Variants in MDGA2 observed in about 807,000 individuals in gnomAD.
MDGA2 encodes the protein MAM domain-containing glycosylphosphatidylinositol anchor protein 2.
MDGA2 carries 40 observed loss-of-function variants against 117.8 expected under a neutral mutation model. The observed-to-expected ratio is 0.34, with a 90% CI of 0.26 to 0.44. The LOEUF is 0.44. MDGA2 is among the 20% of genes least tolerant of loss of function. The pLI is 1.00. For missense variants in MDGA2, 1,123 were observed against 1,250.6 expected, an observed-to-expected ratio of 0.90 and a Z score of 1.54; for synonymous variants, 452 against 439.0, an observed-to-expected ratio of 1.03 and a Z score of -0.37.
chr14:47,217,270 A>G (rs1223016444), intron 3 of MDGA2, among the ~76,000 whole-genome samples: 2 of 152,106 alleles, frequency 1.3e-5, no homozygotes, highest in African/African-American at 4.8e-5. Flanking sequence ...TCAGAGACCT[A>G]AAAATTAAAA....
chr14:47,539,847 T>A (rs1895301496), intron 1 of MDGA2, among the ~76,000 whole-genome samples: 1 of 152,192 alleles, frequency 6.6e-6, no homozygotes, highest in South Asian at 2.1e-4. Flanking sequence ...GCGTTCCAAA[T>A]CTGGACCCTT....
chr14:47,008,698 A>G (rs1887796237), intron 8 of MDGA2, among the ~76,000 whole-genome samples: 1 of 151,966 alleles, frequency 6.6e-6, no homozygotes, highest in Non-Finnish European at 1.5e-5. Context: ...TGTCTATAAA[A>G]TATCTGCCCT....
At chr14:47,395,943 C>T (rs1045553783) in intron 1 of MDGA2, among the ~76,000 whole-genome samples, 13 of 152,048 alleles carry the variant, frequency 8.5e-5, no homozygotes, top group African/African-American at 2.9e-4. Flanking sequence ...TATTTACTTT[C>T]GTGTGTAGCA....
intron 10 of MDGA2, among the ~76,000 whole-genome samples, chr14:46,882,480 T>C (rs1245984273): frequency 6.6e-6 from 1 of 150,996 alleles, no homozygotes; most frequent in East Asian, 1.9e-4. Context: ...GTCAGAAAAT[T>C]CCAAAGTGTC....
intron 1 of MDGA2, among the ~76,000 whole-genome samples, chr14:47,623,184 T>A (rs1897080933): frequency 6.6e-6 from 1 of 152,160 alleles, no homozygotes; most frequent in Non-Finnish European, 1.5e-5. Context: ...CTCTCACACA[T>A]GCTTTTTTGC....
chr14:46,934,801 A>T (rs947814828), intron 9 of MDGA2, among the ~76,000 whole-genome samples: 26 of 152,046 alleles, frequency 1.7e-4, no homozygotes, highest in Non-Finnish European at 3.7e-4. Flanking sequence ...ATTTTATATT[A>T]AAAAAATCAT....
intron 8 of MDGA2, among the ~76,000 whole-genome samples, chr14:46,984,595 T>A (rs1413729734): frequency 6.6e-6 from 1 of 151,964 alleles, no homozygotes; most frequent in Non-Finnish European, 1.5e-5. Context: ...CAAGAATACT[T>A]ACCTTGTCCA....
intron 2 of MDGA2, among the ~76,000 whole-genome samples, chr14:47,290,131 G>T (rs199748884): frequency 6.6e-6 from 1 of 151,948 alleles, no homozygotes; most frequent in Non-Finnish European, 1.5e-5. Context: ...GCCCTATACT[G>T]CTATGCTCTG....
chr14:47,358,824 T>C (rs1891050527), intron 1 of MDGA2, among the ~76,000 whole-genome samples: 2 of 152,158 alleles, frequency 1.3e-5, no homozygotes, highest in Admixed American at 1.3e-4. Flanking sequence ...GACACAAATA[T>C]GTGGGAAGAT....
At chr14:46,888,600 A>T in intron 10 of MDGA2, among the ~76,000 whole-genome samples, 2 of 151,932 alleles carry the variant, frequency 1.3e-5, no homozygotes, top group South Asian at 4.1e-4. Flanking sequence ...GGAGGAAAAA[A>T]CATGTTAATT....
At position 46,987,845 on chromosome 14, in the gene MDGA2, C is replaced by A. The variant is rs371045991; in HGVS notation, c.1820-30202G>T. On this transcript the variant is annotated intron_variant, in intron 8 of 16. Transcript: ENST00000399232. ...TGTTAAGGGCCTCAGAAGGGGACAT[C>A]TTCCTTACTAATAAACTGCTATATT... Among the ~76,000 whole-genome samples the A allele has an allele frequency of 4.7e-5, 7 of 148,124 alleles. No homozygotes were observed. In the East Asian group the frequency reaches 8.0e-4, roughly 17 times the overall value.
intron 3 of MDGA2, among the ~76,000 whole-genome samples, chr14:47,147,192 G>A (rs1402928693): frequency 6.6e-6 from 1 of 150,490 alleles, no homozygotes; most frequent in South Asian, 2.1e-4. Context: ...AATATATAAT[G>A]TAAGTAATTT....
chr14:47,325,205 T>C (rs1890108568), intron 1 of MDGA2, among the ~76,000 whole-genome samples: 1 of 152,156 alleles, frequency 6.6e-6, no homozygotes, highest in African/African-American at 2.4e-5. Flanking sequence ...ATCTCTCAAC[T>C]AAACTATGAA....
chr14:46,913,584 G>C (rs1883786959), intron 10 of MDGA2, among the ~76,000 whole-genome samples: 1 of 152,118 alleles, frequency 6.6e-6, no homozygotes, highest in African/African-American at 2.4e-5. Context: ...TTGTAATAAA[G>C]TTATCCAACA....
intron 6 of MDGA2, among the ~76,000 whole-genome samples, chr14:47,080,179 C>T (rs1890657292): frequency 6.6e-6 from 1 of 152,046 alleles, no homozygotes; most frequent in South Asian, 2.1e-4. Flanking sequence ...GGGATATAGT[C>T]CTGTCATTAC....
intron 12 of MDGA2, among the ~76,000 whole-genome samples, chr14:46,876,061 T>C (rs535270369): frequency 4.6e-5 from 7 of 151,620 alleles, no homozygotes; most frequent in African/African-American, 1.7e-4. Context: ...ACAAAAAATG[T>C]CAGTTGTGCC....
intron 1 of MDGA2, among the ~76,000 whole-genome samples, chr14:47,578,559 G>C (rs996074318): frequency 6.6e-6 from 1 of 152,092 alleles, no homozygotes; most frequent in East Asian, 1.9e-4. Flanking sequence ...AATGACGATA[G>C]TGAGACATCA....
chr14:46,912,090 T>C (rs1883727080), intron 10 of MDGA2, among the ~76,000 whole-genome samples: 1 of 152,160 alleles, frequency 6.6e-6, no homozygotes, highest in Non-Finnish European at 1.5e-5. Flanking sequence ...AGGGAGAATA[T>C]GCAATCTCCA....
intron 5 of MDGA2, among the ~76,000 whole-genome samples, chr14:47,107,082 A>G (rs917168995): frequency 1.5e-5 from 2 of 133,230 alleles, no homozygotes; most frequent in African/African-American, 6.0e-5. Context: ...ACCCACAAGT[A>G]TAAGACACCT....
Sources: gnomAD v4.1 joint callset for allele counts (sites outside exome capture counted in the v4.1 genomes callset) on GRCh38, gnomAD v4.1.1 for gene constraint, MANE v1.5 for transcripts, NCBI Gene and HGNC (gene_info 2026-07-23, HGNC 2026-07-21) for gene names.